The following GRIK2 variants were observed in gnomAD, a reference collection of about 807,000 sequenced individuals.
The protein encoded by GRIK2 is glutamate receptor ionotropic, kainate 2.
GRIK2 carries 32 observed loss-of-function variants against 100.3 expected under a neutral mutation model. That is an observed-to-expected ratio of 0.32 (90% CI 0.24 to 0.43). The LOEUF (loss-of-function observed/expected upper bound fraction) is 0.43. GRIK2 is among the 20% of genes least tolerant of loss of function. The probability of loss-of-function intolerance (pLI) is 1.00; values close to 1 mark genes in which losing one functional copy is unlikely to be tolerated. For missense variants in GRIK2, 843 were observed against 1,114.9 expected, an observed-to-expected ratio of 0.76 and a Z score of 3.47; for synonymous variants, 417 against 389.4, an observed-to-expected ratio of 1.07 and a Z score of -0.83.
At chr6:101,437,431 G>T (rs1305256250) in intron 2 of GRIK2, among the ~76,000 whole-genome samples, 1 of 152,012 alleles carries the variant, frequency 6.6e-6, no homozygotes, top group Non-Finnish European at 1.5e-5. Flanking sequence ...GGACAAAAAG[G>T]ATTGGTCTAT....
intron 12 of GRIK2, among the ~76,000 whole-genome samples, chr6:101,918,503 T>C (rs1789267267): frequency 6.6e-6 from 1 of 151,768 alleles, no homozygotes; most frequent in Non-Finnish European, 1.5e-5. Context: ...TTCTTTGCTC[T>C]AAAGGTCTAG....
intron 2 of GRIK2, among the ~76,000 whole-genome samples, chr6:101,482,458 G>A (rs374896213): frequency 1.3e-5 from 2 of 152,108 alleles, no homozygotes; most frequent in South Asian, 2.1e-4. Flanking sequence ...ATACCAGCTC[G>A]GTGTTAAATA....
chr6:101,790,795 C>T (rs1469187487), intron 7 of GRIK2, among the ~76,000 whole-genome samples: 1 of 148,258 alleles, frequency 6.7e-6, no homozygotes, highest in African/African-American at 2.5e-5. Flanking sequence ...CCAGTTCCTC[C>T]TTTTACCTCT....
At chr6:101,748,818 CAT>C (rs57412534) in intron 7 of GRIK2, among the ~76,000 whole-genome samples, 50,081 of 151,758 alleles carry the variant, frequency 0.33, 11,607 homozygotes, top group African/African-American at 0.65. Flanking sequence ...CATCATAAAA[CAT>C]ATATATACAT....
At position 101,923,013 on chromosome 6, in the gene GRIK2, A is replaced by C. The variant is rs1056748091; in HGVS notation, c.1749-1588A>C. 2.0e-5 allele frequency among the ~76,000 whole-genome samples: 3 copies of C among 152,206 alleles called. No individual in the cohort carries two copies. The South Asian group carries it at 6.2e-4, about 31-fold the overall frequency. ...GACACAACAAATCAACTTACTCTTC[A>C]ATCAACCTTTCTGTTTAGTGTGTCA... On this transcript the variant is annotated intron_variant, in intron 12 of 16. Transcript: ENST00000369134.
chr6:101,734,431 C>G (rs34727347), intron 7 of GRIK2, among the ~76,000 whole-genome samples: 4,689 of 152,284 alleles, frequency 0.031, 102 homozygotes, highest in Non-Finnish European at 0.049. Context: ...AGCCCTTTTT[C>G]TCTATCCAGG....
intron 12 of GRIK2, among the ~76,000 whole-genome samples, chr6:101,917,625 TAAG>T (rs767321908): frequency 4.6e-5 from 7 of 151,588 alleles, no homozygotes; most frequent in African/African-American, 9.7e-5. Context: ...CTTCTCTTAT[TAAG>T]AAGGACTACT....
intron 7 of GRIK2, among the ~76,000 whole-genome samples, chr6:101,714,206 G>A (rs573825502): frequency 5.8e-4 from 88 of 151,506 alleles, no homozygotes; most frequent in Middle Eastern, 3.4e-3. Flanking sequence ...TTTTTGTCAG[G>A]AGAACCAAAA....
At chr6:101,668,330 T>C (rs951315942) in intron 4 of GRIK2, among the ~76,000 whole-genome samples, 2 of 152,192 alleles carry the variant, frequency 1.3e-5, no homozygotes, top group Non-Finnish European at 2.9e-5. Flanking sequence ...AAATTGGAGA[T>C]TGGATTTTGT....
chr6:101,871,620 C>T (rs1315259569), intron 11 of GRIK2, among the ~76,000 whole-genome samples: 1 of 151,890 alleles, frequency 6.6e-6, no homozygotes, highest in African/African-American at 2.4e-5. Context: ...TAAGTGAGAA[C>T]ATCTAATATT....
chr6:101,573,951 C>T (rs1252330157), intron 2 of GRIK2, among the ~76,000 whole-genome samples: 10 of 151,962 alleles, frequency 6.6e-5, no homozygotes, highest in Non-Finnish European at 1.5e-4. Flanking sequence ...TCTAACTAGA[C>T]TTGATGTTTT....
intron 11 of GRIK2, among the ~76,000 whole-genome samples, chr6:101,877,173 T>A (rs964146684): frequency 6.6e-6 from 1 of 151,858 alleles, no homozygotes; most frequent in Non-Finnish European, 1.5e-5. Flanking sequence ...ATGTTTATGT[T>A]TTTATACTTC....
At chr6:101,713,020 A>G (rs1052921051) in intron 7 of GRIK2, among the ~76,000 whole-genome samples, 2 of 151,750 alleles carry the variant, frequency 1.3e-5, no homozygotes, top group Non-Finnish European at 2.9e-5. Flanking sequence ...TCAGAAAAAA[A>G]CTCTAATTTT....
chr6:101,956,170 A>G (rs544890457), intron 14 of GRIK2, among the ~76,000 whole-genome samples: 3 of 152,144 alleles, frequency 2.0e-5, no homozygotes, highest in African/African-American at 4.8e-5. Context: ...CGCATTTTAA[A>G]TTTCCATAAA....
intron 4 of GRIK2, among the ~76,000 whole-genome samples, chr6:101,641,765 G>A (rs997547673): frequency 3.9e-5 from 6 of 151,962 alleles, no homozygotes; most frequent in Admixed American, 6.6e-5. Context: ...AAAGGATTCC[G>A]TGTGCTTTTA....
At chr6:101,759,647 AT>A (rs1161897857) in intron 7 of GRIK2, among the ~76,000 whole-genome samples, 2 of 152,156 alleles carry the variant, frequency 1.3e-5, no homozygotes, top group African/African-American at 4.8e-5. Context: ...TAAAGACACC[AT>A]TAAGGCCCTT....
intron 2 of GRIK2, among the ~76,000 whole-genome samples, chr6:101,522,700 T>C (rs1225534636): frequency 3.3e-5 from 5 of 152,136 alleles, no homozygotes; most frequent in Admixed American, 3.3e-4. Context: ...TGATCTCTGT[T>C]CTGCCCTCAG....
intron 2 of GRIK2, among the ~76,000 whole-genome samples, chr6:101,485,272 T>C (rs900916666): frequency 3.3e-5 from 5 of 152,200 alleles, no homozygotes; most frequent in African/African-American, 1.2e-4. Context: ...TTAAATTATT[T>C]TCCTCACATG....
At chr6:101,965,341 G>C (rs570168956) in intron 14 of GRIK2, among the ~76,000 whole-genome samples, 1 of 152,104 alleles carries the variant, frequency 6.6e-6, no homozygotes, top group East Asian at 1.9e-4. Context: ...TTCAATGTCT[G>C]CTCATAAAAG....
Sources: allele counts gnomAD v4.1 joint callset (sites outside exome capture counted in the v4.1 genomes callset), GRCh38; gene constraint gnomAD v4.1.1; transcripts MANE v1.5; gene names NCBI Gene and HGNC (gene_info 2026-07-23, HGNC 2026-07-21).